Variants in ELAVL2 observed in about 807,000 individuals in gnomAD.
ELAVL2 encodes the protein ELAV-like protein 2.
In ELAVL2, 4 loss-of-function variants were observed where a neutral mutation model predicts 34.6. The ratio of observed to expected loss-of-function variants is 0.12; its 90% CI spans 0.06 to 0.26. ELAVL2 has a LOEUF of 0.26. Ranked by LOEUF, ELAVL2 falls within the 10% of genes least tolerant of loss-of-function variation. The pLI, the probability that ELAVL2 is intolerant of heterozygous loss-of-function variation, is 1.00. For synonymous variants in ELAVL2, 193 were observed against 154.8 expected, an observed-to-expected ratio of 1.25 and a Z score of -1.83; for missense variants, 432 against 442.8, an observed-to-expected ratio of 0.98 and a Z score of 0.22.
At chr9:23,744,822 A>T (rs1249090642) in intron 2 of ELAVL2, among the ~76,000 whole-genome samples, 1 of 152,168 alleles carries the variant, frequency 6.6e-6, no homozygotes, top group African/African-American at 2.4e-5. Flanking sequence ...ATTATTCCCT[A>T]CAAAGCTAAT....
intron 1 of ELAVL2, among the ~76,000 whole-genome samples, chr9:23,804,181 A>AT (rs34753432): frequency 0.041 from 6,068 of 147,248 alleles, 187 homozygotes; most frequent in Middle Eastern, 0.14. Context: ...TTATTTATTT[A>AT]TTTTTTTTTT....
At chr9:23,715,338 C>T (rs118157028) in intron 3 of ELAVL2, among the ~76,000 whole-genome samples, 2,484 of 152,138 alleles carry the variant, frequency 0.016, 38 homozygotes, top group Non-Finnish European at 0.025. Context: ...TTTGTAGAGA[C>T]GGGGTTTCAC....
At chr9:23,781,590 A>C (rs1564439776) in intron 1 of ELAVL2, among the ~76,000 whole-genome samples, 3 of 149,664 alleles carry the variant, frequency 2.0e-5, no homozygotes. Flanking sequence ...GTGTGATCAC[A>C]GCTCACTGCA....
At chr9:23,716,359 C>T in intron 3 of ELAVL2, among the ~76,000 whole-genome samples, 1 of 151,910 alleles carries the variant, frequency 6.6e-6, no homozygotes, top group Non-Finnish European at 1.5e-5. Context: ...TTGTATGAAA[C>T]AAAAAAGCTG....
chr9:23,712,771 G>C (rs1228276917), intron 3 of ELAVL2, among the ~76,000 whole-genome samples: 1 of 152,112 alleles, frequency 6.6e-6, no homozygotes. Context: ...TTAAATATTA[G>C]TCAAGGCAGT....
rs1473803164 is a variant in ELAVL2 at position 23,742,628 on chromosome 9, A to G, written c.230-11503T>C. Among the ~76,000 whole-genome samples, 98 of 152,218 alleles carry G rather than the reference A, an allele frequency of 6.4e-4. 1 individual carries two copies. Among genetic ancestry groups the G allele is most frequent in the Non-Finnish European group, 8.8e-5 (6 of 68,034 alleles). On this transcript the variant is annotated intron_variant, in intron 2 of 6. Transcript: ENST00000397312. ...ATGTACAACCCTTCCACCGGGGGGA[A>G]AATGTCCACTGTAATTCCTTTTATA...
At chr9:23,714,091 G>A (rs957820271) in intron 3 of ELAVL2, among the ~76,000 whole-genome samples, 31 of 152,106 alleles carry the variant, frequency 2.0e-4, no homozygotes, top group African/African-American at 6.8e-4. Context: ...ACATACATAG[G>A]AAACAATTCA....
intron 3 of ELAVL2, among the ~76,000 whole-genome samples, chr9:23,710,491 T>G (rs953529713): frequency 3.3e-5 from 5 of 152,246 alleles, no homozygotes; most frequent in African/African-American, 1.2e-4. Context: ...TGATAAGGTC[T>G]ATAAATGAAC....
At chr9:23,805,637 G>A (rs774823736) in intron 1 of ELAVL2, among the ~76,000 whole-genome samples, 1 of 152,120 alleles carries the variant, frequency 6.6e-6, no homozygotes, top group African/African-American at 2.4e-5. Context: ...GCCCAATAAC[G>A]CTTCTTAAAG....
intron 1 of ELAVL2, among the ~76,000 whole-genome samples, chr9:23,771,938 A>G (rs1276281662): frequency 6.6e-6 from 1 of 152,192 alleles, no homozygotes; most frequent in South Asian, 2.1e-4. Context: ...TTCCAACCCC[A>G]TTCTTTCATT....
intron 1 of ELAVL2, among the ~76,000 whole-genome samples, chr9:23,808,905 C>A (rs969937891): frequency 6.6e-6 from 1 of 152,098 alleles, no homozygotes; most frequent in Admixed American, 6.6e-5. Context: ...CCATAGGGAA[C>A]TGGGGAGCTA....
chr9:23,738,415 G>A (rs2048382375), intron 2 of ELAVL2, among the ~76,000 whole-genome samples: 2 of 152,138 alleles, frequency 1.3e-5, no homozygotes, highest in Admixed American at 1.3e-4. Context: ...CTTCCTTGCT[G>A]CCCTCTAATG....
At chr9:23,792,172 G>A (rs2060402247) in intron 1 of ELAVL2, among the ~76,000 whole-genome samples, 1 of 152,170 alleles carries the variant, frequency 6.6e-6, no homozygotes, top group African/African-American at 2.4e-5. Flanking sequence ...GTGTTAGATG[G>A]TTTTGCCCAA....
intron 2 of ELAVL2, among the ~76,000 whole-genome samples, chr9:23,732,079 A>C (rs2046711919): frequency 6.6e-6 from 1 of 152,242 alleles, no homozygotes; most frequent in South Asian, 2.1e-4. Flanking sequence ...AAAATGGCAT[A>C]AGAAAAGTTT....
At chr9:23,792,199 G>C (rs990156722) in intron 1 of ELAVL2, among the ~76,000 whole-genome samples, 1 of 152,210 alleles carries the variant, frequency 6.6e-6, no homozygotes, top group Admixed American at 6.5e-5. Flanking sequence ...GCTAATGCAA[G>C]TGTTCTAAGC....
At position 23,692,476 on chromosome 9, in the gene ELAVL2, A is replaced by T. The variant is rs1481297837; in HGVS notation, c.*81T>A. ...CATCTCAACACTGACTTACAAAGAC[A>T]TTTACTAATGTATAAAGTTTCTCTT... On this transcript the variant is annotated 3_prime_UTR_variant, in exon 7 of 7. Coordinates refer to ENST00000397312, the MANE Select transcript of ELAVL2 (RefSeq NM_004432.5). 1 of 1,410,536 alleles carries T rather than the reference A, an allele frequency of 7.1e-7. No individual in the cohort carries two copies. The highest frequency in any genetic ancestry group is 9.5e-7 in the Non-Finnish European group (1 of 1,050,988). 87.4% of individuals were successfully genotyped at this position (1,410,536 alleles called of 1,614,324 possible).
chr9:23,714,225 G>T (rs2041741171), intron 3 of ELAVL2, among the ~76,000 whole-genome samples: 1 of 152,014 alleles, frequency 6.6e-6, no homozygotes, highest in Admixed American at 6.6e-5. Flanking sequence ...CCCAATTTAT[G>T]GAACAAAAAC....
At chr9:23,844,970 T>G in the ELAVL2 span, among the ~76,000 whole-genome samples, 2 of 151,962 alleles carry the variant, frequency 1.3e-5, no homozygotes, top group African/African-American at 4.8e-5. Flanking sequence ...TTTTTCTTAC[T>G]TTAAACATAG....
At chr9:23,847,863 C>T in the ELAVL2 span, among the ~76,000 whole-genome samples, 1 of 151,888 alleles carries the variant, frequency 6.6e-6, no homozygotes, top group African/African-American at 2.4e-5. Context: ...TTTTCAATTA[C>T]CCAGCTTATT....
Sources: gnomAD v4.1 joint callset for allele counts (sites outside exome capture counted in the v4.1 genomes callset) on GRCh38, gnomAD v4.1.1 for gene constraint, MANE v1.5 for transcripts, NCBI Gene and HGNC (gene_info 2026-07-23, HGNC 2026-07-21) for gene names.